Variants in CDH1 observed in about 807,000 individuals in gnomAD.
CDH1 encodes cadherin 1, also known as cadherin-1.
A neutral mutation model predicts 84.5 loss-of-function variants in CDH1; 35 were observed. The ratio of observed to expected loss-of-function variants is 0.41; its 90% confidence interval spans 0.32 to 0.55. The LOEUF is 0.55. Ranked by LOEUF, CDH1 falls within the 20% of genes least tolerant of loss-of-function variation. CDH1 has a pLI of 0.19. For synonymous variants in CDH1, 417 were observed against 439.0 expected (o/e 0.95, Z 0.63); for missense variants, 994 against 1,126.6 (o/e 0.88, Z 1.68).
chr16:68,748,185 T>C (rs1274299418), intron 2 of CDH1, among the ~76,000 whole-genome samples: 1 of 149,592 alleles, frequency 6.7e-6, no homozygotes, highest in African/African-American at 2.5e-5. Context: ...TGATCTCGGC[T>C]CACCGCAACC....
chr16:68,780,140 C>T (rs546910566), intron 2 of CDH1, among the ~76,000 whole-genome samples: 4 of 150,472 alleles, frequency 2.7e-5, no homozygotes, highest in East Asian at 1.9e-4. Context: ...CAAAGGGGAC[C>T]GTGTGGCTCC....
In CDH1 at chr16:68,752,206, C is replaced by A. The variant is rs138090093; in HGVS notation, c.163+13795C>A. Among the ~76,000 whole-genome samples, 1,449 of 152,306 alleles carry A rather than the reference C, an allele frequency of 9.5e-3. 28 individuals carry two copies. The highest frequency in any genetic ancestry group is 0.033 in the African/African-American group (1,365 of 41,554). On this transcript the variant is annotated intron_variant, in intron 2 of 15. Coordinates refer to ENST00000261769, the MANE Select transcript of CDH1 (RefSeq NM_004360.5). ...ACCTCAGGTGATCCACCCGCCTTGG[C>A]CTCCCAAAGTGCTGCGATTACAGGC...
At chr16:68,825,803 CTTT>C (rs869187109) in intron 13 of CDH1, among the ~76,000 whole-genome samples, 24 of 94,514 alleles carry the variant, frequency 2.5e-4, no homozygotes, top group Non-Finnish European at 4.0e-4. Context: ...TAAAGGGAAT[CTTT>C]TTTTTTTTTT....
chr16:68,784,427 A>G (rs1223852549), intron 2 of CDH1, among the ~76,000 whole-genome samples: 2 of 151,944 alleles, frequency 1.3e-5, no homozygotes, highest in Non-Finnish European at 2.9e-5. Flanking sequence ...AGACCAGCTG[A>G]CCAGCATCCG....
Position 68,738,401 on chromosome 16 carries a change from C to A in CDH1, c.153C>A (p.Val51=), listed in dbSNP as rs786201265. 6.5e-7 allele frequency: 1 copy of A among 1,548,920 alleles called. No homozygotes were observed. The highest frequency in any genetic ancestry group is 8.7e-7 in the Non-Finnish European group (1 of 1,145,308). Residue 51 remains valine (V), a synonymous_variant, in exon 2 of 16, where the codon GTC becomes GTA. Coordinates refer to ENST00000261769, the MANE Select transcript of CDH1 (RefSeq NM_004360.5). ...GGCGCCACCTGGAGAGAGGCCGCGT[C>A]CTGGGCAGAGGTGAGGGCGCGCTGC... The part of the protein sequence containing the change: ...VPRRHLERGR[V]LGRVNFEDCT...
chr16:68,772,211 C>T (rs760755571), intron 2 of CDH1, among the ~76,000 whole-genome samples: 2 of 152,194 alleles, frequency 1.3e-5, no homozygotes, highest in Non-Finnish European at 2.9e-5. Flanking sequence ...CGCATATGTC[C>T]TTGCCTTGCT....
intron 3 of CDH1, among the ~76,000 whole-genome samples, chr16:68,806,172 G>A (rs961457948): frequency 7.7e-6 from 1 of 130,000 alleles, no homozygotes; most frequent in Non-Finnish European, 1.7e-5. Context: ...TTATTTTTGA[G>A]ACAGAATCTC....
At chr16:68,819,160 G>A (rs1961068025) in intron 10 of CDH1, 120 bp from the exon 11 acceptor site, 3 of 1,166,566 alleles carry the variant, frequency 2.6e-6, no homozygotes, top group Admixed American at 3.6e-5. Context: ...CCGGCCTATT[G>A]TTGGTTTTCA....
intron 2 of CDH1, among the ~76,000 whole-genome samples, chr16:68,754,313 A>G (rs559389451): frequency 6.6e-6 from 1 of 152,210 alleles, no homozygotes; most frequent in South Asian, 2.1e-4. Flanking sequence ...TGGGAGGCTA[A>G]GGTGGGAGGA....
chr16:68,806,112 T>G (rs1356422558), intron 3 of CDH1, among the ~76,000 whole-genome samples: 5 of 148,720 alleles, frequency 3.4e-5, no homozygotes, highest in African/African-American at 1.3e-4. Flanking sequence ...CATGCCTGGC[T>G]AATTTTTGTA....
chr16:68,831,518 T>G (rs1567516868), intron 15 of CDH1, among the ~76,000 whole-genome samples: 1 of 146,474 alleles, frequency 6.8e-6, no homozygotes, highest in Non-Finnish European at 1.5e-5. Flanking sequence ...TAACCATGCC[T>G]TTTATTTATT....
At chr16:68,743,655 C>G (rs916259821) in intron 2 of CDH1, among the ~76,000 whole-genome samples, 3 of 152,028 alleles carry the variant, frequency 2.0e-5, no homozygotes, top group African/African-American at 7.2e-5. Context: ...CGTGAGCCAC[C>G]GAGCCGGGCC....
chr16:68,804,835 T>C (rs1337416069), intron 3 of CDH1, among the ~76,000 whole-genome samples: 1 of 132,578 alleles, frequency 7.5e-6, no homozygotes, highest in Non-Finnish European at 1.6e-5. Flanking sequence ...TTTTTTTTTT[T>C]TTTTTTTTTT....
rs971882211 is a variant in CDH1, at chr16:68,823,404, G to C, written c.1942G>C (p.Glu648Gln). 4 of 1,608,964 alleles carry C rather than the reference G, an allele frequency of 2.5e-6. No individual in the cohort carries two copies. The African/African-American group carries it at 5.4e-5, about 22-fold the overall frequency. Residue 648 changes from glutamate to glutamine, a missense_variant, in exon 13 of 16, where the codon GAA becomes CAA. By Grantham distance (29) the Glu-to-Gln change is conservative. Coordinates refer to ENST00000261769, the MANE Select transcript of CDH1 (RefSeq NM_004360.5). ...WTIQYNDPTQ[E>Q]SIILKPKMAL... ...CTTTTTATTGCTTTCTCCAGCCCAA[G>C]AATCTATCATTTTGAAGCCAAAGAT... is the stretch of plus-strand genomic sequence containing the variant.
Position 68,808,755 on chromosome 16 carries a change from C to T in CDH1, c.594C>T (p.Asp198=), listed in dbSNP as rs2152130155. 1 of 1,614,150 alleles carries T rather than the reference C, an allele frequency of 6.2e-7. No individual in the cohort carries two copies. Among genetic ancestry groups the T allele is most frequent in the Non-Finnish European group, 8.5e-7 (1 of 1,180,002 alleles). Reference sequence around the variant, plus strand: ...ACAGCATCACTGGCCAAGGAGCTGACACACCCCCTGTTGGTGTCTTTATTA... The same window carrying T: ...ACAGCATCACTGGCCAAGGAGCTGATACACCCCCTGTTGGTGTCTTTATTA... ...VFYSITGQGA[D]TPPVGVFIIE... The change falls in exon 5 of 16, where the codon GAC becomes GAT. Residue 198 remains aspartate, a synonymous_variant. Transcript: ENST00000261769.
intron 10 of CDH1, among the ~76,000 whole-genome samples, chr16:68,817,564 A>G (rs1182294370): frequency 6.6e-6 from 1 of 152,160 alleles, no homozygotes; most frequent in Non-Finnish European, 1.5e-5. Context: ...CCCTTATCCA[A>G]GTGATCAAAG....
At chr16:68,754,755 G>T (rs571675278) in intron 2 of CDH1, among the ~76,000 whole-genome samples, 1 of 152,192 alleles carries the variant, frequency 6.6e-6, no homozygotes, top group East Asian at 1.9e-4. Flanking sequence ...CACCTGCCAA[G>T]CCCTCTGCTA....
intron 2 of CDH1, among the ~76,000 whole-genome samples, chr16:68,787,166 T>C (rs1301566080): frequency 6.6e-6 from 1 of 152,184 alleles, no homozygotes; most frequent in African/African-American, 2.4e-5. Context: ...AATAAATCTG[T>C]GGTTACTTTT....
At chr16:68,811,538 T>A (rs1960829512) in intron 6 of CDH1, 146 bp from the exon 7 acceptor site, 1 of 713,662 alleles carries the variant, frequency 1.4e-6, no homozygotes, top group Non-Finnish European at 2.5e-6. Context: ...AGCACTTTGG[T>A]AAGAATTCTA....
Sources: gnomAD v4.1 joint callset for allele counts (sites outside exome capture counted in the v4.1 genomes callset) on GRCh38, gnomAD v4.1.1 for gene constraint, MANE v1.5 for transcripts, NCBI Gene and HGNC (gene_info 2026-07-23, HGNC 2026-07-21) for gene names.